Variants in SAMD8 observed in about 807,000 individuals in gnomAD.
SAMD8 encodes sterile alpha motif domain containing 8.
A neutral mutation model predicts 42.0 loss-of-function variants in SAMD8; 20 were observed. The ratio of observed to expected loss-of-function variants is 0.48; its 90% confidence interval spans 0.34 to 0.69. SAMD8 has a LOEUF of 0.69. SAMD8 is among the 30% of genes least tolerant of loss of function. SAMD8 has a pLI of 0.01. For missense variants in SAMD8, 328 were observed against 511.6 expected (o/e 0.64, Z 3.46); for synonymous variants, 162 against 173.0 (o/e 0.94, Z 0.50).
At chr10:75,128,851 C>G (rs1849208572) in intron 1 of SAMD8, among the ~76,000 whole-genome samples, 1 of 152,056 alleles carries the variant, frequency 6.6e-6, no homozygotes, top group South Asian at 2.1e-4. Context: ...TTTTATCCAG[C>G]TGTTTGTATT....
chr10:75,153,182 G>T (rs1176463516), intron 2 of SAMD8, among the ~76,000 whole-genome samples: 1 of 151,904 alleles, frequency 6.6e-6, no homozygotes, highest in Non-Finnish European at 1.5e-5. Context: ...AGGTTTCACA[G>T]TGTTGGTCAG....
At chr10:75,160,567 A>G (rs1840535627) in intron 2 of SAMD8, among the ~76,000 whole-genome samples, 1 of 152,252 alleles carries the variant, frequency 6.6e-6, no homozygotes, top group Admixed American at 6.5e-5. Context: ...TTAAAAGCTT[A>G]GCTCAAAATA....
chr10:75,157,885 C>T (rs760996270), intron 2 of SAMD8, among the ~76,000 whole-genome samples: 2 of 152,072 alleles, frequency 1.3e-5, no homozygotes, highest in Non-Finnish European at 2.9e-5. Context: ...TAAGGCCGGG[C>T]GCGGTGTCTC....
At chr10:75,151,217 C>G (rs531017546) in intron 2 of SAMD8, 111 bp downstream of exon 2, 2 of 538,190 alleles carry the variant, frequency 3.7e-6, no homozygotes, top group South Asian at 6.8e-5. Flanking sequence ...TGTATACTTT[C>G]CATTTGCTTT....
intron 1 of SAMD8, among the ~76,000 whole-genome samples, chr10:75,130,860 T>G (rs893033850): frequency 3.9e-5 from 6 of 152,216 alleles, no homozygotes; most frequent in African/African-American, 1.4e-4. Context: ...TAGTAATGTC[T>G]ACCTCATAAA....
At position 75,176,296 on chromosome 10, in the gene SAMD8, G is replaced by A. The variant is rs1199592907; in HGVS notation, c.943+80G>A. ...CTGTGGGAAGGGTGTCAGATCCTGTGAAGAATGGCAAAACAGCCTGACCTG... is the reference window on the plus strand; with the variant it reads ...CTGTGGGAAGGGTGTCAGATCCTGTAAAGAATGGCAAAACAGCCTGACCTG... On this transcript the variant is annotated intron_variant, in intron 5 of 5. Coordinates refer to ENST00000542569, the MANE Select transcript of SAMD8 (RefSeq NM_001174156.2). The surrounding 1 kb of genome is among the most constrained non-coding windows in gnomAD (Gnocchi z 4.3). 2 of 1,608,354 alleles carry A rather than the reference G, an allele frequency of 1.2e-6. No homozygotes were observed. The highest frequency in any genetic ancestry group is 2.2e-5 in the South Asian group (2 of 90,366).
chr10:75,145,226 T>C (rs1056918981), intron 1 of SAMD8, among the ~76,000 whole-genome samples: 1 of 152,214 alleles, frequency 6.6e-6, no homozygotes. Context: ...ATTACAGGCG[T>C]GAGCCACCAC....
intron 1 of SAMD8, among the ~76,000 whole-genome samples, chr10:75,105,109 G>C (rs1589911320): frequency 6.6e-6 from 1 of 152,152 alleles, no homozygotes; most frequent in Admixed American, 6.5e-5. Flanking sequence ...TGCTGGGTGG[G>C]GAGCCACCGT....
chr10:75,122,595 A>T (rs1194906739), intron 1 of SAMD8, among the ~76,000 whole-genome samples: 1 of 149,532 alleles, frequency 6.7e-6, no homozygotes, highest in Admixed American at 6.7e-5. Flanking sequence ...ACTGAATGAT[A>T]GACGGAGACT....
chr10:75,106,610 G>GCC, intron 1 of SAMD8, among the ~76,000 whole-genome samples: 1 of 152,238 alleles, frequency 6.6e-6, no homozygotes, highest in South Asian at 2.1e-4. Context: ...TAGCACCCCC[G>GCC]CCGTGTGCTC....
intron 1 of SAMD8, chr10:75,105,822 CGT>C: frequency 6.4e-7 from 1 of 1,550,784 alleles, no homozygotes; most frequent in Non-Finnish European, 8.7e-7. Flanking sequence ...CCAGGACCAG[CGT>C]GGCAGAGCGG....
chr10:75,099,762 C>A, intron 1 of SAMD8: 1 of 226,672 alleles, frequency 4.4e-6, no homozygotes, highest in Non-Finnish European at 8.4e-6. Context: ...GGGAGGAGAG[C>A]CTGGCTCCCC....
intron 1 of SAMD8, among the ~76,000 whole-genome samples, chr10:75,123,903 A>G (rs533761673): frequency 3.6e-4 from 55 of 151,854 alleles, no homozygotes; most frequent in African/African-American, 1.3e-3. Flanking sequence ...AATTTTTTGT[A>G]TTTTAGTAGA....
At chr10:75,105,362 A>G (rs1848429905) in intron 1 of SAMD8, among the ~76,000 whole-genome samples, 1 of 151,800 alleles carries the variant, frequency 6.6e-6, no homozygotes, top group African/African-American at 2.4e-5. Context: ...TGCTTTCCAC[A>G]CCCTCGCATC....
At chr10:75,101,954 T>C in intron 1 of SAMD8, 1 of 1,367,732 alleles carries the variant, frequency 7.3e-7, no homozygotes, top group Middle Eastern at 2.1e-4. Flanking sequence ...GCACACTTGA[T>C]GCTGTTTCTA....
chr10:75,154,392 C>G (rs989430808), intron 2 of SAMD8, among the ~76,000 whole-genome samples: 2 of 152,178 alleles, frequency 1.3e-5, no homozygotes, highest in African/African-American at 4.8e-5. Context: ...AGGAAGAAAT[C>G]ATGTGGCTGT....
chr10:75,158,893 C>G (rs960873985), intron 2 of SAMD8, among the ~76,000 whole-genome samples: 28 of 152,080 alleles, frequency 1.8e-4, no homozygotes, highest in Non-Finnish European at 3.8e-4. Flanking sequence ...TCAGCACTAC[C>G]TTCTTTCTTA....
intron 1 of SAMD8, among the ~76,000 whole-genome samples, chr10:75,136,538 G>A (rs2134453863): frequency 6.6e-6 from 1 of 152,262 alleles, no homozygotes; most frequent in African/African-American, 2.4e-5. Flanking sequence ...ACAATTCAGA[G>A]GACTAAAGAG....
intron 2 of SAMD8, among the ~76,000 whole-genome samples, chr10:75,159,672 T>C (rs1027357714): frequency 3.3e-5 from 5 of 152,204 alleles, no homozygotes; most frequent in African/African-American, 1.2e-4. Flanking sequence ...CAGTGACTCA[T>C]TTCTCTTTGC....
Sources: gnomAD v4.1 joint callset for allele counts (sites outside exome capture counted in the v4.1 genomes callset) on GRCh38, gnomAD v4.1.1 for gene constraint, Gnocchi (gnomAD v3.1) non-coding constraint, MANE v1.5 for transcripts, NCBI Gene and HGNC (gene_info 2026-07-23, HGNC 2026-07-21) for gene names.